The following ATP6V1C2 variants were observed in gnomAD, a reference collection of about 807,000 sequenced individuals.
ATP6V1C2 encodes V-type proton ATPase subunit C 2.
ATP6V1C2 carries 45 observed loss-of-function variants against 56.8 expected under a neutral mutation model. The ratio of observed to expected loss-of-function variants is 0.79; its 90% CI spans 0.62 to 1.02. The LOEUF is 1.02. ATP6V1C2 is among the 50% of genes least tolerant of loss of function. The pLI is 0.00. For missense variants in ATP6V1C2, 463 were observed against 519.7 expected (o/e 0.89, Z 1.06); for synonymous variants, 220 against 201.3 (o/e 1.09, Z -0.79).
intron 3 of ATP6V1C2, among the ~76,000 whole-genome samples, chr2:10,752,240 G>A (rs1663261591): frequency 6.6e-6 from 1 of 152,142 alleles, no homozygotes; most frequent in Admixed American, 6.5e-5. Context: ...ATAAACACAT[G>A]ACTCTGGGAG....
chr2:10,772,922 A>G (rs992603014), intron 8 of ATP6V1C2, among the ~76,000 whole-genome samples: 3 of 152,070 alleles, frequency 2.0e-5, no homozygotes, highest in Admixed American at 6.5e-5. Context: ...CTCAGCGTCA[A>G]TTCTTCCCTG....
chr2:10,762,293 G>A (rs1663959352), intron 4 of ATP6V1C2, among the ~76,000 whole-genome samples: 1 of 151,936 alleles, frequency 6.6e-6, no homozygotes, highest in South Asian at 2.1e-4. Flanking sequence ...CTACGGGCGT[G>A]TGCCACCATG....
At chr2:10,760,495 C>T (rs902825444) in intron 4 of ATP6V1C2, among the ~76,000 whole-genome samples, 2 of 152,190 alleles carry the variant, frequency 1.3e-5, no homozygotes, top group Admixed American at 1.3e-4. Context: ...TCAGTGTACA[C>T]AGTTGGAGCT....
At position 10,784,871 on chromosome 2, in the gene ATP6V1C2, T is replaced by G; in HGVS notation, c.*1608T>G. ...AAGGACTTGACTCCAGGTGCAGAGA[T>G]GCACAGGCTCAAGAGAGTAAACCAG... On this transcript the variant is annotated 3_prime_UTR_variant, in exon 14 of 14. Coordinates refer to ENST00000272238, the MANE Select transcript of ATP6V1C2 (RefSeq NM_001039362.2). 1.6e-6 allele frequency: 2 copies of G among 1,214,698 alleles called. No individual in the cohort carries two copies. The highest frequency in any genetic ancestry group is 2.6e-5 in the South Asian group (2 of 77,110). 75.2% of individuals were successfully genotyped at this position (1,214,698 alleles called of 1,614,324 possible). A position where few individuals can be genotyped will look rare whatever the true frequency, so the allele number is the denominator to read the frequency against.
intron 3 of ATP6V1C2, among the ~76,000 whole-genome samples, chr2:10,750,498 A>G (rs1226944753): frequency 6.7e-6 from 1 of 150,290 alleles, no homozygotes; most frequent in African/African-American, 2.5e-5. Context: ...CCTGGGCGAC[A>G]GGGTGAGACC....
chr2:10,741,834 G>T (rs1441039536), intron 3 of ATP6V1C2, among the ~76,000 whole-genome samples: 1 of 151,872 alleles, frequency 6.6e-6, no homozygotes, highest in South Asian at 2.1e-4. Flanking sequence ...CGATCCTGCC[G>T]TGTAACCTGG....
chr2:10,779,333 C>T (rs1213800677), intron 12 of ATP6V1C2, among the ~76,000 whole-genome samples: 1 of 150,378 alleles, frequency 6.6e-6, no homozygotes, highest in Non-Finnish European at 1.5e-5. Context: ...TCTTGAGCTC[C>T]TCCTAACCTC....
At chr2:10,743,668 G>A (rs917705576) in intron 3 of ATP6V1C2, among the ~76,000 whole-genome samples, 48 of 151,316 alleles carry the variant, frequency 3.2e-4, no homozygotes, top group African/African-American at 1.0e-3. Flanking sequence ...CCATAGGGAC[G>A]CCCTGTCTGT....
intron 10 of ATP6V1C2, among the ~76,000 whole-genome samples, chr2:10,776,646 C>T (rs1031374964): frequency 6.6e-6 from 1 of 152,246 alleles, no homozygotes; most frequent in Non-Finnish European, 1.5e-5. Flanking sequence ...ACCCCCTGCG[C>T]AGTATCTCTG....
chr2:10,752,344 C>T (rs919831889), intron 3 of ATP6V1C2, among the ~76,000 whole-genome samples: 4 of 152,128 alleles, frequency 2.6e-5, no homozygotes, highest in Admixed American at 6.5e-5. Context: ...GGCCCTAGGC[C>T]TCTGGGCTCC....
intron 3 of ATP6V1C2, among the ~76,000 whole-genome samples, chr2:10,743,681 A>AAAT (rs753400102): frequency 4.6e-5 from 7 of 151,444 alleles, no homozygotes; most frequent in East Asian, 4.0e-4. Flanking sequence ...CTGTCTGTAC[A>AAAT]AATAATAATA....
chr2:10,744,625 A>C (rs573917955), intron 3 of ATP6V1C2, among the ~76,000 whole-genome samples: 1 of 151,990 alleles, frequency 6.6e-6, no homozygotes, highest in South Asian at 2.1e-4. Flanking sequence ...TCTCACTGTT[A>C]CAATAATTGT....
intron 3 of ATP6V1C2, chr2:10,744,202 T>A (rs1406341101): frequency 6.6e-6 from 1 of 151,994 alleles, no homozygotes; most frequent in Non-Finnish European, 1.5e-5. Context: ...TACAGCTTTT[T>A]TAGAATTTGT....
chr2:10,748,883 A>C (rs1457578239), intron 3 of ATP6V1C2, among the ~76,000 whole-genome samples: 1 of 152,028 alleles, frequency 6.6e-6, no homozygotes, highest in Non-Finnish European at 1.5e-5. Context: ...TAATCCCAGC[A>C]CTTTGGGCGG....
chr2:10,742,632 G>C (rs2029426), intron 3 of ATP6V1C2, among the ~76,000 whole-genome samples: 149,688 of 152,210 alleles, frequency 0.98, 73,651 homozygotes, highest in Non-Finnish European at 1. Context: ...TGTCCTGGCT[G>C]TGGGTGCGGA....
intron 9 of ATP6V1C2, 25 bp downstream of exon 9, chr2:10,774,905 A>C: frequency 6.2e-7 from 1 of 1,613,254 alleles, no homozygotes; most frequent in Admixed American, 1.7e-5. Context: ...GGTTTGGTTC[A>C]TCTCCCGCTG....
intron 6 of ATP6V1C2, among the ~76,000 whole-genome samples, chr2:10,770,381 A>G (rs1478631561): frequency 6.6e-6 from 1 of 152,202 alleles, no homozygotes; most frequent in Non-Finnish European, 1.5e-5. Context: ...CTGGGCAACA[A>G]GAGTGAAACT....
intron 13 of ATP6V1C2, among the ~76,000 whole-genome samples, chr2:10,782,681 A>C (rs1291407305): frequency 6.6e-6 from 1 of 151,956 alleles, no homozygotes; most frequent in East Asian, 1.9e-4. Context: ...AAATACAAAA[A>C]TTAGCTGGGT....
intron 3 of ATP6V1C2, among the ~76,000 whole-genome samples, chr2:10,750,651 C>G (rs1663156512): frequency 6.6e-6 from 1 of 152,196 alleles, no homozygotes; most frequent in Admixed American, 6.5e-5. Flanking sequence ...GTAGGGGTGC[C>G]AGAATTCATT....
Sources: gnomAD v4.1 joint callset for allele counts (sites outside exome capture counted in the v4.1 genomes callset) on GRCh38, gnomAD v4.1.1 for gene constraint, MANE v1.5 for transcripts, NCBI Gene and HGNC (gene_info 2026-07-23, HGNC 2026-07-21) for gene names.